PDIA4: variants seen among roughly 807,000 people sequenced by gnomAD.
The protein encoded by PDIA4 is protein disulfide-isomerase A4.
Under a neutral mutation model 62.1 loss-of-function variants are expected in PDIA4, and 33 were observed. The ratio of observed to expected loss-of-function variants is 0.53; its 90% CI spans 0.40 to 0.71. The LOEUF (loss-of-function observed/expected upper bound fraction) is 0.71. Among genes scored for constraint, PDIA4 ranks in the 30% least tolerant of loss-of-function variants. PDIA4 has a pLI of 0.00. For synonymous variants in PDIA4, 341 were observed against 324.1 expected (o/e 1.05, Z -0.56); for missense variants, 804 against 813.6 (o/e 0.99, Z 0.14).
Position 149,003,907 on chromosome 7 carries a change from C to T in PDIA4, c.1825G>A (p.Gly609Arg). Residue 609 changes from glycine (G) to arginine (R), a missense_variant, in exon 10 of 10, where the codon GGG becomes AGG. Transcript: ENST00000652332. ...AATTTAACTGGGTTCTTTTTGTCCCCACTGGGGGCGAAGTAGATGGTGGGG... is the reference window on the plus strand; with the variant it reads ...AATTTAACTGGGTTCTTTTTGTCCCTACTGGGGGCGAAGTAGATGGTGGGG... ...GFPTIYFAPSGDKKNPVKFEG... is the reference protein window; with the variant it reads ...GFPTIYFAPSRDKKNPVKFEG... 2 of 1,613,326 alleles carry T rather than the reference C, an allele frequency of 1.2e-6. No homozygotes were observed. The highest frequency in any genetic ancestry group is 8.5e-7 in the Non-Finnish European group (1 of 1,179,746).
intron 1 of PDIA4, among the ~76,000 whole-genome samples, 195 bp from the exon 2 acceptor site, chr7:149,021,342 A>C (rs1824345282): frequency 1.3e-5 from 2 of 151,988 alleles, no homozygotes; most frequent in African/African-American, 4.8e-5. Context: ...TACAAAAATT[A>C]GCCGGGCATG....
intron 1 of PDIA4, among the ~76,000 whole-genome samples, chr7:149,023,363 T>A (rs1824422007): frequency 6.6e-6 from 1 of 152,234 alleles, no homozygotes; most frequent in African/African-American, 2.4e-5. Context: ...TATTTACCTG[T>A]GTCTTTGAAT....
intron 6 of PDIA4, among the ~76,000 whole-genome samples, chr7:149,009,569 T>C: frequency 6.6e-6 from 1 of 152,174 alleles, no homozygotes; most frequent in Non-Finnish European, 1.5e-5. Flanking sequence ...AAAGATACTT[T>C]TACTTAAATC....
chr7:149,016,041 T>G (rs1824125595), intron 3 of PDIA4, among the ~76,000 whole-genome samples: 1 of 152,224 alleles, frequency 6.6e-6, no homozygotes, highest in Non-Finnish European at 1.5e-5. Flanking sequence ...TTGCCTGTAA[T>G]CCCAGAACTT....
At chr7:149,016,073 T>TC (rs1824127153) in intron 3 of PDIA4, among the ~76,000 whole-genome samples, 1 of 152,172 alleles carries the variant, frequency 6.6e-6, no homozygotes, top group Non-Finnish European at 1.5e-5. Context: ...GGTGGGTGGA[T>TC]CATGGGTGGT....
Position 149,028,384 on chromosome 7 carries a change from G to C in PDIA4, c.25C>G (p.Leu9Val). 6.6e-7 allele frequency: 1 copy of C among 1,523,546 alleles called. No homozygotes were observed. 94.4% of individuals were successfully genotyped at this position (1,523,546 alleles called of 1,614,324 possible). A position where few individuals can be genotyped will look rare whatever the true frequency, so the allele number is the denominator to read the frequency against. Reference sequence around the variant, plus strand: ...TGCACCAGCCCCAAGAGCAGCAGGAGCAGGAAGGCTTTCCGGGGCCTCATG... The same window carrying C: ...TGCACCAGCCCCAAGAGCAGCAGGACCAGGAAGGCTTTCCGGGGCCTCATG... MRPRKAFL[L>V]LLLLGLVQLL... Residue 9 changes from leucine to valine, a missense_variant, in exon 1 of 10, where the codon CTC becomes GTC. Physicochemically the swap from Leu to Val is conservative, Grantham distance 32. Transcript: ENST00000652332.
chr7:149,022,912 C>T (rs1186001741), intron 1 of PDIA4, among the ~76,000 whole-genome samples: 1 of 152,258 alleles, frequency 6.6e-6, no homozygotes, highest in East Asian at 1.9e-4. Flanking sequence ...CACCCGCACT[C>T]AGTCCTCTTC....
rs1052549 is a variant in PDIA4, at chr7:149,003,450, A to C, written c.*344T>G. ...AAAGAGCAAAATCAACATGATTTGG[A>C]AAAGGAATTTTAAACCTTAAATTAA... is the stretch of plus-strand genomic sequence containing the variant. On this transcript the variant is annotated 3_prime_UTR_variant, in exon 10 of 10. Transcript: ENST00000652332. 0.27 allele frequency: 49,561 copies of C among 186,414 alleles called. 8,669 individuals are homozygous for C. The highest frequency in any genetic ancestry group is 0.52 in the African/African-American group (22,358 of 42,908). The allele number at this position is 186,414 out of a possible 1,614,324, so 11.5% of individuals were successfully genotyped here.
intron 3 of PDIA4, among the ~76,000 whole-genome samples, chr7:149,017,888 A>G (rs1184796178): frequency 6.6e-6 from 1 of 152,174 alleles, no homozygotes; most frequent in Non-Finnish European, 1.5e-5. Context: ...CATGGCTTTG[A>G]GCCAGCAGCA....
chr7:149,028,383 A>G lies in PDIA4; in HGVS notation c.26T>C (p.Leu9Pro). 3 of 1,524,076 alleles carry G rather than the reference A, an allele frequency of 2.0e-6. No individual in the cohort carries two copies. Among genetic ancestry groups the G allele is most frequent in the Non-Finnish European group, 1.8e-6 (2 of 1,136,690 alleles). The allele number at this position is 1,524,076 out of a possible 1,614,324, so 94.4% of individuals were successfully genotyped here. Residue 9 changes from leucine (L) to proline (P), a missense_variant, in exon 1 of 10, where the codon CTC becomes CCC. Physicochemically the swap from Leu to Pro is moderately conservative, Grantham distance 98. Transcript: ENST00000652332. MRPRKAFL[L>P]LLLLGLVQLL... Reference sequence around the variant, plus strand: ...CTGCACCAGCCCCAAGAGCAGCAGGAGCAGGAAGGCTTTCCGGGGCCTCAT... The same window carrying G: ...CTGCACCAGCCCCAAGAGCAGCAGGGGCAGGAAGGCTTTCCGGGGCCTCAT...
intron 3 of PDIA4, 137 bp from the exon 4 acceptor site, chr7:149,015,179 A>G: frequency 1.2e-6 from 1 of 817,018 alleles, no homozygotes; most frequent in South Asian, 1.8e-5. Flanking sequence ...ATTTCCTGAA[A>G]CCTGGCTGCA....
At chr7:149,020,222 A>G (rs1217031762) in intron 2 of PDIA4, among the ~76,000 whole-genome samples, 1 of 152,098 alleles carries the variant, frequency 6.6e-6, no homozygotes, top group Non-Finnish European at 1.5e-5. Context: ...TGGCCTCCCA[A>G]AGTGCTGGGA....
In PDIA4 at chr7:149,017,547, G is replaced by A. The variant is rs940624203; in HGVS notation, c.475+1445C>T. ...TGCGGTGAGCTGAGATTGCGCCATC[G>A]TACTGCAGCCTGGGCCACAGAAGCA... On this transcript the variant is annotated intron_variant, in intron 3 of 9. Coordinates refer to ENST00000652332, the MANE Select transcript of PDIA4 (RefSeq NM_004911.5). 2.4e-4 allele frequency among the ~76,000 whole-genome samples: 37 copies of A among 152,176 alleles called. 1 individual carries two copies. Among genetic ancestry groups the A allele is most frequent in the Admixed American group, 1.8e-3 (27 of 15,286 alleles).
Position 149,021,086 on chromosome 7 carries a change from A to ATCATCATCTTCCTCC in PDIA4, c.135_149dup (p.Glu45_Asp49dup). The ATCATCATCTTCCTCC allele has an allele frequency of 1.2e-6, 2 of 1,612,406 alleles. No individual in the cohort carries two copies. The highest frequency in any genetic ancestry group is 1.7e-6 in the Non-Finnish European group (2 of 1,179,162). On this transcript the variant is annotated inframe_insertion, in exon 2 of 10. Transcript: ENST00000652332. ...TAACTTCCAAGTCGTCTTCTTCCTC[A>ATCATCATCTTCCTCC]TCATCATCTTCCTCCTCCTCCTCCT...
intron 2 of PDIA4, among the ~76,000 whole-genome samples, chr7:149,020,471 G>A (rs1554446274): frequency 6.6e-6 from 1 of 152,186 alleles, no homozygotes; most frequent in Non-Finnish European, 1.5e-5. Context: ...AGTAAAGACA[G>A]GAAAAGAAGT....
Position 149,024,814 on chromosome 7 carries a change from T to TA in PDIA4, c.88+3506dup, listed in dbSNP as rs539798193. Among the ~76,000 whole-genome samples the TA allele has an allele frequency of 9.6e-3, 861 of 89,334 alleles. 11 individuals carry two copies. The highest frequency in any genetic ancestry group is 0.024 in the African/African-American group (452 of 19,060). The allele number at this position is 89,334 out of a possible 152,430, so 58.6% of individuals were successfully genotyped here. ...CTGGCGACCGAGCAAGACTGTCATT[T>TA]AAAAAAAAAAAAAAAAAAAAAAAAA... On this transcript the variant is annotated intron_variant, in intron 1 of 9. Transcript: ENST00000652332.
chr7:149,006,142 C>G, intron 7 of PDIA4, 89 bp from the exon 8 acceptor site: 1 of 1,400,774 alleles, frequency 7.1e-7, no homozygotes, highest in Non-Finnish European at 9.4e-7. Context: ...GGGGGAGTGG[C>G]GACTTTGAAG....
chr7:149,005,116 A>AC, intron 9 of PDIA4, 25 bp downstream of exon 9: 1 of 1,563,390 alleles, frequency 6.4e-7, no homozygotes, highest in Non-Finnish European at 8.8e-7. Context: ...CTGATGGGAG[A>AC]CCCCAGCCCC....
chr7:149,012,494 G>C, intron 4 of PDIA4, 134 bp from the exon 5 acceptor site: 1 of 708,736 alleles, frequency 1.4e-6, no homozygotes, highest in South Asian at 1.8e-5. Context: ...ATGCCTCCTA[G>C]ACCCTCAGGC....
Sources: gnomAD v4.1 joint callset for allele counts (sites outside exome capture counted in the v4.1 genomes callset) on GRCh38, gnomAD v4.1.1 for gene constraint, MANE v1.5 for transcripts, NCBI Gene and HGNC (gene_info 2026-07-23, HGNC 2026-07-21) for gene names.